Variants in ELOVL6 observed in about 807,000 individuals in gnomAD.
ELOVL6 encodes ELOVL fatty acid elongase 6, also known as very long chain fatty acid elongase 6.
A neutral mutation model predicts 31.7 loss-of-function variants in ELOVL6; 8 were observed. That is an observed-to-expected ratio of 0.25 (90% CI 0.15 to 0.45). ELOVL6 has a LOEUF of 0.45. Among genes scored for constraint, ELOVL6 ranks in the 20% least tolerant of loss-of-function variants. The pLI is 1.00. For missense variants in ELOVL6, 126 were observed against 326.4 expected (o/e 0.39, Z 4.73); for synonymous variants, 101 against 117.7 (o/e 0.86, Z 0.92).
intron 2 of ELOVL6, among the ~76,000 whole-genome samples, chr4:110,094,840 A>C (rs1756534185): frequency 6.6e-6 from 1 of 152,104 alleles, no homozygotes; most frequent in Non-Finnish European, 1.5e-5. Context: ...CAGAGTGAAA[A>C]AGTGAAGTGA....
At chr4:110,094,426 T>TAC (rs1560820599) in intron 2 of ELOVL6, among the ~76,000 whole-genome samples, 5 of 61,222 alleles carry the variant, frequency 8.2e-5, no homozygotes, top group Non-Finnish European at 1.5e-4. Context: ...TATATATATA[T>TAC]ATATATATAT....
intron 2 of ELOVL6, among the ~76,000 whole-genome samples, chr4:110,084,577 TA>T (rs1657590662): frequency 2.1e-5 from 1 of 48,424 alleles, no homozygotes; most frequent in African/African-American, 1.5e-4. Flanking sequence ...TATATATATA[TA>T]TATATATATA....
intron 2 of ELOVL6, among the ~76,000 whole-genome samples, chr4:110,092,764 T>A (rs1203240306): frequency 6.6e-6 from 1 of 152,080 alleles, no homozygotes; most frequent in South Asian, 2.1e-4. Flanking sequence ...GTCTGAAGAA[T>A]TTTTTAAGGA....
In ELOVL6 at chr4:110,160,074, CAT is replaced by C. The variant is rs10573667; in HGVS notation, c.89+38171_89+38172del. On this transcript the variant is annotated intron_variant, in intron 1 of 3. Coordinates refer to ENST00000302274, the MANE Select transcript of ELOVL6 (RefSeq NM_024090.3). Reference sequence around the variant, plus strand: ...CATCAAAGTTTTCTAAAAAACAACACATGAGGGTTTGCTTACAACTTACACAC... The same window carrying C: ...CATCAAAGTTTTCTAAAAAACAACACGAGGGTTTGCTTACAACTTACACAC... Among the ~76,000 whole-genome samples the C allele has an allele frequency of 6.1e-3, 926 of 152,106 alleles. 9 individuals are homozygous for C. Among genetic ancestry groups the C allele is most frequent in the African/African-American group, 0.021 (881 of 41,514 alleles).
At chr4:110,195,042 TA>T (rs931919771) in intron 1 of ELOVL6, among the ~76,000 whole-genome samples, 4 of 152,198 alleles carry the variant, frequency 2.6e-5, no homozygotes, top group African/African-American at 9.7e-5. Context: ...GGTAAGATTT[TA>T]TGGTTTCCTC....
chr4:110,147,201 A>G (rs771479956), intron 1 of ELOVL6: 17 of 183,972 alleles, frequency 9.2e-5, no homozygotes, highest in Non-Finnish European at 1.7e-4. Flanking sequence ...ACAGAAAAAG[A>G]TATCCCAAAA....
At position 110,063,079 on chromosome 4, in the gene ELOVL6, G is replaced by A. The variant is rs527838940; in HGVS notation, c.222-3325C>T. 2.6e-5 allele frequency among the ~76,000 whole-genome samples: 4 copies of A among 152,172 alleles called. No individual in the cohort carries two copies. In the East Asian group the frequency reaches 7.7e-4, roughly 29 times the overall value. ...TTTACTTCGGCTAACCCTCAATGTT[G>A]AAAATCACCTTCCTCGCTGATCTTA... On this transcript the variant is annotated intron_variant, in intron 2 of 3. Transcript: ENST00000302274.
At chr4:110,106,859 G>A (rs1178404400) in intron 1 of ELOVL6, among the ~76,000 whole-genome samples, 1 of 152,118 alleles carries the variant, frequency 6.6e-6, no homozygotes, top group African/African-American at 2.4e-5. Context: ...AATGCCAAAA[G>A]ATAAATTCAA....
intron 2 of ELOVL6, among the ~76,000 whole-genome samples, chr4:110,072,462 G>A (rs1339586115): frequency 6.6e-6 from 1 of 152,158 alleles, no homozygotes; most frequent in African/African-American, 2.4e-5. Context: ...GTGACAGAGA[G>A]AGACTCCGTC....
chr4:110,135,464 T>C (rs1413795542), intron 1 of ELOVL6, among the ~76,000 whole-genome samples: 1 of 152,210 alleles, frequency 6.6e-6, no homozygotes, highest in African/African-American at 2.4e-5. Flanking sequence ...GCAAAAATTA[T>C]AATTTAGTTG....
intron 2 of ELOVL6, among the ~76,000 whole-genome samples, chr4:110,085,560 T>C (rs1055369808): frequency 4.6e-5 from 7 of 152,170 alleles, no homozygotes; most frequent in Admixed American, 2.6e-4. Flanking sequence ...AAGCCTTTAG[T>C]TGTTCAATGG....
intron 1 of ELOVL6, among the ~76,000 whole-genome samples, chr4:110,123,204 T>C (rs895673972): frequency 6.6e-5 from 10 of 152,234 alleles, no homozygotes; most frequent in African/African-American, 2.2e-4. Context: ...GAATAACTGA[T>C]GCTCAAGTGA....
intron 1 of ELOVL6, among the ~76,000 whole-genome samples, chr4:110,119,147 A>G (rs936110588): frequency 2.2e-4 from 34 of 152,126 alleles, no homozygotes; most frequent in African/African-American, 7.7e-4. Context: ...AATAGGTGGT[A>G]TTGGCTGAGT....
At chr4:110,152,628 G>C (rs1354515409) in intron 1 of ELOVL6, among the ~76,000 whole-genome samples, 1 of 152,180 alleles carries the variant, frequency 6.6e-6, no homozygotes, top group African/African-American at 2.4e-5. Flanking sequence ...TGCACATTCT[G>C]ATTCAGTGGG....
At position 110,129,677 on chromosome 4, in the gene ELOVL6, G is replaced by A. The variant is rs116614701; in HGVS notation, c.90-24049C>T. Among the ~76,000 whole-genome samples, 1,513 of 152,188 alleles carry A rather than the reference G, an allele frequency of 9.9e-3. 27 individuals carry two copies. The highest frequency in any genetic ancestry group is 0.035 in the African/African-American group (1,441 of 41,502). Reference sequence around the variant, plus strand: ...TTCTTCCTAGTCACAAACCTGAAGCGTGGCAGCAACCATCTTATAGCCGTG... The same window carrying A: ...TTCTTCCTAGTCACAAACCTGAAGCATGGCAGCAACCATCTTATAGCCGTG... On this transcript the variant is annotated intron_variant, in intron 1 of 3. Transcript: ENST00000302274.
chr4:110,118,118 C>A (rs572562728), intron 1 of ELOVL6: 2 of 149,228 alleles, frequency 1.3e-5, no homozygotes, highest in East Asian at 4.0e-4. Context: ...ACCACCATGC[C>A]CGGCTAGTTT....
intron 1 of ELOVL6, among the ~76,000 whole-genome samples, chr4:110,163,735 C>T (rs1758693645): frequency 1.3e-5 from 2 of 152,188 alleles, no homozygotes; most frequent in African/African-American, 4.8e-5. Context: ...ATGAAGGTGG[C>T]AGCACTGAGT....
chr4:110,124,491 T>C (rs1488626673), intron 1 of ELOVL6, among the ~76,000 whole-genome samples: 1 of 152,044 alleles, frequency 6.6e-6, no homozygotes, highest in African/African-American at 2.4e-5. Flanking sequence ...TACTCATAAG[T>C]AGGAACTGAA....
At chr4:110,116,049 G>A (rs1757160566) in intron 1 of ELOVL6, among the ~76,000 whole-genome samples, 1 of 152,066 alleles carries the variant, frequency 6.6e-6, no homozygotes, top group Admixed American at 6.5e-5. Context: ...AATATAATGG[G>A]CCCACCAGAT....
Sources: gnomAD v4.1 joint callset for allele counts (sites outside exome capture counted in the v4.1 genomes callset) on GRCh38, gnomAD v4.1.1 for gene constraint, MANE v1.5 for transcripts, NCBI Gene and HGNC (gene_info 2026-07-23, HGNC 2026-07-21) for gene names.